Variants in ZFHX3 observed in about 807,000 individuals in gnomAD.
The protein encoded by ZFHX3 is zinc finger homeobox protein 3.
ZFHX3 carries 42 observed loss-of-function variants against 279.1 expected under a neutral mutation model. The ratio of observed to expected loss-of-function variants is 0.15; its 90% CI spans 0.12 to 0.19. The LOEUF (loss-of-function observed/expected upper bound fraction) is 0.19, where lower values mean the gene tolerates loss of function less well. ZFHX3 is among the 10% of genes least tolerant of loss of function. The probability of loss-of-function intolerance (pLI) is 1.00; values close to 1 mark genes in which losing one functional copy is unlikely to be tolerated. For synonymous variants in ZFHX3, 2,293 were observed against 1,957.8 expected, an observed-to-expected ratio of 1.17 and a Z score of -4.52; for missense variants, 4,981 against 4,754.0, an observed-to-expected ratio of 1.05 and a Z score of -1.40.
intron 5 of ZFHX3, 88 bp from the exon 6 acceptor site, chr16:72,812,126 T>C: frequency 3.3e-6 from 5 of 1,517,024 alleles, no homozygotes; most frequent in Non-Finnish European, 2.6e-6. Flanking sequence ...AACATTCATT[T>C]ATAGCACAGG....
chr16:73,519,883 T>A (rs1329095175), intron 2 of ZFHX3, among the ~76,000 whole-genome samples: 2 of 152,220 alleles, frequency 1.3e-5, no homozygotes, highest in Non-Finnish European at 2.9e-5. Flanking sequence ...TCGTTTCATT[T>A]TTCAAAACAA....
chr16:73,024,791 T>C (rs988813758), intron 1 of ZFHX3, among the ~76,000 whole-genome samples: 1 of 152,140 alleles, frequency 6.6e-6, no homozygotes, highest in East Asian at 1.9e-4. Context: ...GCCAGACACT[T>C]TGCAGAGAGA....
At chr16:73,182,329 T>C (rs2144879785) in intron 5 of ZFHX3, among the ~76,000 whole-genome samples, 1 of 152,246 alleles carries the variant, frequency 6.6e-6, no homozygotes, top group African/African-American at 2.4e-5. Flanking sequence ...TGGTGGCGCA[T>C]GCCTGTAATC....
intron 6 of ZFHX3, among the ~76,000 whole-genome samples, chr16:73,133,646 C>T (rs757385241): frequency 2.0e-5 from 3 of 152,148 alleles, no homozygotes; most frequent in Non-Finnish European, 4.4e-5. Flanking sequence ...CCTGCCAACA[C>T]CTTGATCTTG....
intron 4 of ZFHX3, among the ~76,000 whole-genome samples, chr16:72,855,131 T>C (rs1805466646): frequency 6.6e-6 from 1 of 152,192 alleles, no homozygotes; most frequent in Non-Finnish European, 1.5e-5. Context: ...AACCTCTCCC[T>C]CTTCTCCCAA....
intron 4 of ZFHX3, among the ~76,000 whole-genome samples, chr16:72,831,670 G>A (rs1055278016): frequency 6.6e-6 from 1 of 152,136 alleles, no homozygotes; most frequent in East Asian, 1.9e-4. Flanking sequence ...CACATTTTTA[G>A]GATTTCAATA....
At chr16:73,767,699 G>C (rs2142289238) in intron 1 of ZFHX3, among the ~76,000 whole-genome samples, 1 of 152,236 alleles carries the variant, frequency 6.6e-6, no homozygotes, top group East Asian at 1.9e-4. Context: ...TTTCTCTCTT[G>C]TTTCTTTCAA....
chr16:73,862,089 C>T (rs1054054771), intron 1 of ZFHX3, among the ~76,000 whole-genome samples: 8 of 152,058 alleles, frequency 5.3e-5, no homozygotes, highest in African/African-American at 1.9e-4. Context: ...AGGGAGAGAC[C>T]AAGTGCTGAG....
chr16:72,956,654 G>A (rs2106258), intron 2 of ZFHX3, among the ~76,000 whole-genome samples: 109,781 of 152,040 alleles, frequency 0.72, 40,263 homozygotes, highest in Admixed American at 0.81. Flanking sequence ...CTTCCTGGCA[G>A]CGAAGGCTCC....
At chr16:73,231,217 A>G (rs903931727) in intron 5 of ZFHX3, among the ~76,000 whole-genome samples, 2 of 152,196 alleles carry the variant, frequency 1.3e-5, no homozygotes, top group African/African-American at 4.8e-5. Context: ...GACTTCAGGA[A>G]TCTGAGGCCT....
upstream of ZFHX3, among the ~76,000 whole-genome samples, chr16:73,050,266 CCGGA>C (rs1965425684): frequency 6.6e-6 from 1 of 152,180 alleles, no homozygotes; most frequent in Non-Finnish European, 1.5e-5. Flanking sequence ...GGCAGAAGGC[CCGGA>C]CGGGATCTGC....
intron 3 of ZFHX3, among the ~76,000 whole-genome samples, chr16:73,421,958 A>G (rs911154418): frequency 2.0e-5 from 3 of 152,188 alleles, no homozygotes; most frequent in East Asian, 1.9e-4. Flanking sequence ...AAGGCCTACA[A>G]GATTCCAGGA....
chr16:73,133,767 T>C (rs1649638670), intron 6 of ZFHX3, among the ~76,000 whole-genome samples: 1 of 152,188 alleles, frequency 6.6e-6, no homozygotes, highest in Non-Finnish European at 1.5e-5. Flanking sequence ...AATTTCTGTT[T>C]TCTCCATCTC....
chr16:73,200,991 A>G (rs1968255803), intron 5 of ZFHX3, among the ~76,000 whole-genome samples: 1 of 152,100 alleles, frequency 6.6e-6, no homozygotes, highest in Admixed American at 6.6e-5. Flanking sequence ...TTCTTTTGAA[A>G]TGTGCACTCT....
intron 2 of ZFHX3, among the ~76,000 whole-genome samples, chr16:73,579,871 T>TATATATATATATATATATATAC (rs1294197708): frequency 7.6e-6 from 1 of 131,944 alleles, no homozygotes; most frequent in Admixed American, 8.0e-5. Context: ...TATATATATA[T>TATATATATATATATATATATAC]ATACATACAC....
intron 3 of ZFHX3, among the ~76,000 whole-genome samples, chr16:72,928,230 G>GAGCAAGAGAGACAGCAAGAGAGAT (rs758222274): frequency 1.2e-5 from 1 of 81,594 alleles, no homozygotes; most frequent in Non-Finnish European, 2.7e-5. Context: ...GCGAGGGGGA[G>GAGCAAGAGAGACAGCAAGAGAGAT]CGAGAGAGGA....
At chr16:73,362,958 T>G (rs1464841452) in intron 3 of ZFHX3, among the ~76,000 whole-genome samples, 1 of 152,262 alleles carries the variant, frequency 6.6e-6, no homozygotes, top group African/African-American at 2.4e-5. Context: ...AGGTGTTATA[T>G]TTGATTAAAC....
intron 2 of ZFHX3, among the ~76,000 whole-genome samples, chr16:73,670,738 A>G (rs1350199223): frequency 6.6e-6 from 1 of 152,206 alleles, no homozygotes; most frequent in Non-Finnish European, 1.5e-5. Flanking sequence ...CTATACTGTG[A>G]CATTTGCAAA....
chr16:73,040,598 CTT>C (rs1965075056), intron 1 of ZFHX3, among the ~76,000 whole-genome samples: 1 of 152,178 alleles, frequency 6.6e-6, no homozygotes, highest in African/African-American at 2.4e-5. Flanking sequence ...ATTTCAGACT[CTT>C]TCACTTCTGA....
Sources: allele counts gnomAD v4.1 joint callset (sites outside exome capture counted in the v4.1 genomes callset), GRCh38; gene constraint gnomAD v4.1.1; transcripts MANE v1.5; gene names NCBI Gene and HGNC (gene_info 2026-07-23, HGNC 2026-07-21).